DGKH: variants seen among roughly 807,000 people sequenced by gnomAD.
The protein encoded by DGKH is diacylglycerol kinase eta.
DGKH carries 90 observed loss-of-function variants against 159.3 expected under a neutral mutation model. The observed-to-expected ratio is 0.57, with a 90% confidence interval of 0.48 to 0.67. DGKH has a LOEUF of 0.67. DGKH is among the 30% of genes least tolerant of loss of function. The pLI, the probability that DGKH is intolerant of heterozygous loss-of-function variation, is 0.00. For synonymous variants in DGKH, 536 were observed against 553.8 expected (o/e 0.97, Z 0.45); for missense variants, 1,181 against 1,506.1 (o/e 0.78, Z 3.57).
intron 1 of DGKH, among the ~76,000 whole-genome samples, chr13:42,112,807 G>T (rs1416482662): frequency 2.6e-5 from 4 of 152,298 alleles, no homozygotes; most frequent in African/African-American, 9.6e-5. Flanking sequence ...ACCAGCATTT[G>T]CTTTCCTGGC....
chr13:42,048,083 C>G (rs1382678255), upstream of DGKH, among the ~76,000 whole-genome samples: 1 of 146,814 alleles, frequency 6.8e-6, no homozygotes, highest in African/African-American at 2.5e-5. This position sits in a 1 kb window ranked among gnomAD's most constrained non-coding sequence, Gnocchi z 6.7. Context: ...ACCCGACGGC[C>G]CTGGCGGAGG....
intron 13 of DGKH, among the ~76,000 whole-genome samples, chr13:42,184,180 T>TA (rs1404183395): frequency 6.6e-6 from 1 of 152,234 alleles, no homozygotes; most frequent in Non-Finnish European, 1.5e-5. Context: ...TATGCATTGA[T>TA]ACTTCTAAAT....
intron 1 of DGKH, among the ~76,000 whole-genome samples, chr13:42,118,519 G>T (rs1955005241): frequency 6.6e-6 from 1 of 152,184 alleles, no homozygotes; most frequent in South Asian, 2.1e-4. Flanking sequence ...ATATGTGGAT[G>T]GACACTGTTC....
At chr13:42,192,152 G>A (rs1287232852) in intron 16 of DGKH, among the ~76,000 whole-genome samples, 2 of 152,070 alleles carry the variant, frequency 1.3e-5, no homozygotes, top group African/African-American at 2.4e-5. Flanking sequence ...TACATTAACG[G>A]TGAGAGAATA....
At chr13:42,100,949 A>T (rs1285158718) in intron 1 of DGKH, among the ~76,000 whole-genome samples, 1 of 152,216 alleles carries the variant, frequency 6.6e-6, no homozygotes, top group Non-Finnish European at 1.5e-5. Flanking sequence ...TGTGGCCTTA[A>T]GCAAGTCTTT....
intron 15 of DGKH, among the ~76,000 whole-genome samples, chr13:42,189,719 T>C (rs1957017980): frequency 6.6e-6 from 1 of 152,060 alleles, no homozygotes; most frequent in South Asian, 2.1e-4. Context: ...CAAGCTGGAG[T>C]ACAGTGGCGT....
intron 17 of DGKH, among the ~76,000 whole-genome samples, chr13:42,197,242 T>C (rs1483712063): frequency 4.8e-5 from 4 of 83,162 alleles, no homozygotes; most frequent in African/African-American, 1.1e-4. Context: ...AGAGTGAGAC[T>C]CTATCTCAAC....
At chr13:42,191,626 T>G (rs901925345) in intron 16 of DGKH, among the ~76,000 whole-genome samples, 1 of 152,136 alleles carries the variant, frequency 6.6e-6, no homozygotes. Context: ...TCATTCCCCA[T>G]GTTTATGGCC....
intron 1 of DGKH, among the ~76,000 whole-genome samples, chr13:42,117,859 C>T (rs537670871): frequency 1.3e-5 from 2 of 152,106 alleles, no homozygotes; most frequent in East Asian, 1.9e-4. Context: ...TACCTTTGAG[C>T]GTTGTGTCCA....
intron 3 of DGKH, 55 bp from the exon 4 acceptor site, chr13:42,155,236 C>T (rs2137953918): frequency 2.9e-6 from 4 of 1,392,460 alleles, no homozygotes; most frequent in Non-Finnish European, 3.9e-6. Flanking sequence ...TTAGGTTTTG[C>T]AACAATCTTT....
chr13:42,255,607 A>G (rs904534123), intron 30 of DGKH, among the ~76,000 whole-genome samples: 1 of 152,210 alleles, frequency 6.6e-6, no homozygotes, highest in Non-Finnish European at 1.5e-5. Context: ...GGTGGTTAAA[A>G]ATTAAGAGAA....
At position 42,187,159 on chromosome 13, in the gene DGKH, A is replaced by T; in HGVS notation, c.1638+11A>T. The T allele has an allele frequency of 6.2e-7, 1 of 1,606,980 alleles. No homozygotes were observed. The highest frequency in any genetic ancestry group is 8.5e-7 in the Non-Finnish European group (1 of 1,173,818). On this transcript the variant is annotated intron_variant, in intron 14 of 29. Transcript: ENST00000337343. ...GCCGTGGCCAGTAAAGTAAGAGGGG[A>T]CTCTTCAGGGCATGAGAGTTGTTTA...
At chr13:42,181,138 G>A (rs1446420192) in intron 13 of DGKH, among the ~76,000 whole-genome samples, 1 of 151,934 alleles carries the variant, frequency 6.6e-6, no homozygotes, top group African/African-American at 2.4e-5. Context: ...TTAGCCGGGC[G>A]TGATGGTGGG....
chr13:42,256,039 T>C, intron 30 of DGKH: 1 of 1,482,652 alleles, frequency 6.7e-7, no homozygotes, highest in Non-Finnish European at 9.4e-7. Context: ...GTTTTCTGGG[T>C]TCTGGCCCTT....
chr13:42,070,987 G>GA (rs1882927217), intron 1 of DGKH: 6 of 1,324,024 alleles, frequency 4.5e-6, no homozygotes, highest in South Asian at 1.2e-5. Context: ...GTCTACAGCA[G>GA]AAAAAAACAA....
rs538438089 is a variant in DGKH, at chr13:42,178,286, A to G, written c.1538+66A>G. The G allele has an allele frequency of 4.8e-6, 6 of 1,242,282 alleles. No homozygotes were observed. The Admixed American group carries it at 1.1e-4, about 24-fold the overall frequency. 77.0% of individuals were successfully genotyped at this position (1,242,282 alleles called of 1,614,324 possible). Reference sequence around the variant, plus strand: ...AAATGATAGCTGGCTCCTACCATTTAGGTCATTTCTTTGTGAGTTTTCTTC... The same window carrying G: ...AAATGATAGCTGGCTCCTACCATTTGGGTCATTTCTTTGTGAGTTTTCTTC... On this transcript the variant is annotated intron_variant, in intron 13 of 29. Transcript: ENST00000337343.
At chr13:42,136,088 CAA>C (rs1955397208) in intron 3 of DGKH, among the ~76,000 whole-genome samples, 1 of 152,166 alleles carries the variant, frequency 6.6e-6, no homozygotes, top group African/African-American at 2.4e-5. Flanking sequence ...TTGAGAATAA[CAA>C]GAGTACCTAC....
intron 1 of DGKH, among the ~76,000 whole-genome samples, chr13:42,101,761 A>ATG (rs545335265): frequency 1.2e-3 from 179 of 146,360 alleles, no homozygotes; most frequent in South Asian, 5.2e-3. Flanking sequence ...GTATGTGTGT[A>ATG]TGTGTGTGTG....
intron 3 of DGKH, among the ~76,000 whole-genome samples, chr13:42,147,553 C>T (rs764004448): frequency 3.3e-5 from 5 of 152,110 alleles, no homozygotes; most frequent in Non-Finnish European, 7.3e-5. Flanking sequence ...AGCCATTTAC[C>T]GTTATAAACT....
Sources: allele counts gnomAD v4.1 joint callset (sites outside exome capture counted in the v4.1 genomes callset), GRCh38; gene constraint gnomAD v4.1.1; non-coding constraint Gnocchi (gnomAD v3.1); transcripts MANE v1.5; gene names NCBI Gene and HGNC (gene_info 2026-07-23, HGNC 2026-07-21).